Variants in ZNF777 observed in about 807,000 individuals in gnomAD.
ZNF777 encodes the protein zinc finger protein 777.
In ZNF777, 7 loss-of-function variants were observed where a neutral mutation model predicts 72.1. That is an observed-to-expected ratio of 0.10 (90% CI 0.06 to 0.18). The LOEUF (loss-of-function observed/expected upper bound fraction) is 0.18. ZNF777 is among the 10% of genes least tolerant of loss of function. The pLI is 1.00. For missense variants in ZNF777, 828 were observed against 1,128.6 expected (o/e 0.73, Z 3.82); for synonymous variants, 545 against 483.5 (o/e 1.13, Z -1.67).
chr7:149,455,860 A>C lies in ZNF777; in HGVS notation c.163T>G (p.Ser55Ala). The C allele has an allele frequency of 6.2e-7, 1 of 1,613,186 alleles. No individual in the cohort carries two copies. Among genetic ancestry groups the C allele is most frequent in the South Asian group, 1.1e-5 (1 of 91,054 alleles). The change falls in exon 2 of 6, where the codon TCC (serine) becomes GCC (alanine). Residue 55 changes from serine (S) to alanine (A), a missense_variant. Physicochemically the swap from Ser to Ala is moderately conservative, Grantham distance 99. This residue lies in a region of ZNF777 where 222 missense variants were observed against 211.2 expected (regional missense o/e 1.05). Coordinates refer to ENST00000247930, the MANE Select transcript of ZNF777 (RefSeq NM_015694.3). This position sits in a 1 kb window ranked among gnomAD's most constrained non-coding sequence, Gnocchi z 4.2. ...SLSPTIPRQG[S>A]LPQTSSAPKQ... ...GGAGCACTGGAAGTTTGGGGCAGGG[A>C]GCCTTGACGGGGAATGGTGGGAGAC...
chr7:149,433,376 C>A (rs1475702977), intron 5 of ZNF777, among the ~76,000 whole-genome samples: 1 of 152,198 alleles, frequency 6.6e-6, no homozygotes, highest in Admixed American at 6.5e-5. Flanking sequence ...GCGATACACA[C>A]CCCTTTTTCC....
At position 149,431,582 on chromosome 7, in the gene ZNF777, C is replaced by A. The variant is rs1272925319; in HGVS notation, c.*194G>T. The A allele has an allele frequency of 1.7e-6, 1 of 584,574 alleles. No individual in the cohort carries two copies. Among genetic ancestry groups the A allele is most frequent in the Non-Finnish European group, 2.8e-6 (1 of 355,454 alleles). The allele number at this position is 584,574 out of a possible 1,614,324, so 36.2% of individuals were successfully genotyped here. On this transcript the variant is annotated 3_prime_UTR_variant, in exon 6 of 6. Transcript: ENST00000247930. ...TCCGCGCCCTCCCCCCTGGGGCCCC[C>A]GGGGAAACGCGGCAGCAAGGGACCT...
At chr7:149,453,121 T>C (rs1799755268) in intron 3 of ZNF777, among the ~76,000 whole-genome samples, 1 of 152,192 alleles carries the variant, frequency 6.6e-6, no homozygotes, top group African/African-American at 2.4e-5. Context: ...GCATGTATCA[T>C]GCTTATATCT....
chr7:149,437,124 T>G (rs1180344462), intron 4 of ZNF777, among the ~76,000 whole-genome samples: 1 of 152,190 alleles, frequency 6.6e-6, no homozygotes, highest in East Asian at 1.9e-4. Flanking sequence ...TCTTATTTTT[T>G]CAATAGAGAA....
At chr7:149,444,283 G>A (rs1490091583) in intron 4 of ZNF777, among the ~76,000 whole-genome samples, 2 of 152,126 alleles carry the variant, frequency 1.3e-5, no homozygotes, top group South Asian at 2.1e-4. Context: ...CCCAGCTTAC[G>A]ACTAATTATC....
At chr7:149,438,930 G>A (rs1325440193) in intron 4 of ZNF777, among the ~76,000 whole-genome samples, 1 of 152,114 alleles carries the variant, frequency 6.6e-6, no homozygotes, top group Non-Finnish European at 1.5e-5. Context: ...AGCCTTAAAT[G>A]AAGACCTTTG....
At chr7:149,440,670 T>C (rs1799497819) in intron 4 of ZNF777, among the ~76,000 whole-genome samples, 1 of 98,054 alleles carries the variant, frequency 1.0e-5, no homozygotes, top group South Asian at 3.5e-4. Context: ...CTGTTGTTTT[T>C]TTGTTTTTTT....
chr7:149,448,681 A>G (rs775901621), intron 4 of ZNF777, among the ~76,000 whole-genome samples: 7 of 150,312 alleles, frequency 4.7e-5, no homozygotes, highest in African/African-American at 7.4e-5. Flanking sequence ...GAAATGATGA[A>G]CCCTCTGAGT....
At chr7:149,453,577 A>G (rs1332044457) in intron 3 of ZNF777, among the ~76,000 whole-genome samples, 3 of 152,204 alleles carry the variant, frequency 2.0e-5, no homozygotes, top group Non-Finnish European at 4.4e-5. Flanking sequence ...CCATGAAATA[A>G]GCATTTAACC....
intron 4 of ZNF777, among the ~76,000 whole-genome samples, chr7:149,450,641 G>A (rs769102389): frequency 4.6e-5 from 7 of 152,202 alleles, no homozygotes; most frequent in Non-Finnish European, 1.0e-4. Context: ...CTGACCACCT[G>A]CAGGACTCAG....
rs202019259 is a variant in ZNF777 at position 149,448,313 on chromosome 7, T to TA, written c.1087+2685dup. On this transcript the variant is annotated intron_variant, in intron 4 of 5. Coordinates refer to ENST00000247930, the MANE Select transcript of ZNF777 (RefSeq NM_015694.3). ...AAACGTCATCTCTACTAAAGAAAAG[T>TA]AAAAAAATTAGCTGGGCGTGGTGGC... Among the ~76,000 whole-genome samples the TA allele has an allele frequency of 7.7e-3, 1,152 of 150,384 alleles. 11 individuals carry two copies. The highest frequency in any genetic ancestry group is 0.026 in the African/African-American group (1,080 of 40,810).
In ZNF777 at chr7:149,432,445, G is replaced by A; in HGVS notation, c.1827C>T (p.Pro609=). ...RGGCVSPERG[P]TFNPKHALKP... is the part of the protein sequence containing the mutation. ...TGAGCGCGTGCTTGGGGTTGAACGTGGGCCCGCGTTCGGGTGAGACGCAGC... is the reference window on the plus strand; with the variant it reads ...TGAGCGCGTGCTTGGGGTTGAACGTAGGCCCGCGTTCGGGTGAGACGCAGC... Residue 609 remains proline, a synonymous_variant, in exon 6 of 6, where the codon CCC becomes CCT. Transcript: ENST00000247930. The A allele has an allele frequency of 6.2e-7, 1 of 1,613,498 alleles. No individual in the cohort carries two copies. Among genetic ancestry groups the A allele is most frequent in the South Asian group, 1.1e-5 (1 of 91,070 alleles).
At chr7:149,444,100 G>A (rs984735531) in intron 4 of ZNF777, among the ~76,000 whole-genome samples, 1 of 152,052 alleles carries the variant, frequency 6.6e-6, no homozygotes, top group Non-Finnish European at 1.5e-5. Flanking sequence ...CATCTCCTCC[G>A]AACTGATCCT....
intron 3 of ZNF777, among the ~76,000 whole-genome samples, chr7:149,451,443 C>T (rs937178369): frequency 1.3e-5 from 2 of 152,188 alleles, no homozygotes; most frequent in Non-Finnish European, 2.9e-5. Flanking sequence ...GTAATCCCAG[C>T]ACATTGGGAG....
At chr7:149,448,487 ATATATATAT>A (rs1799645232) in intron 4 of ZNF777, among the ~76,000 whole-genome samples, 1 of 12,234 alleles carries the variant, frequency 8.2e-5, no homozygotes, top group African/African-American at 1.6e-4. Context: ...AAACAAAACT[ATATATATAT>A]ATATATATAT....
intron 1 of ZNF777, among the ~76,000 whole-genome samples, chr7:149,456,724 T>C (rs1373798914): frequency 6.6e-6 from 1 of 152,220 alleles, no homozygotes. Context: ...AGTGAGGACA[T>C]GACATTATCT....
Position 149,454,224 on chromosome 7 carries a change from A to G in ZNF777, c.860T>C (p.Phe287Ser). The G allele has an allele frequency of 6.2e-7, 1 of 1,614,100 alleles. No individual in the cohort carries two copies. The highest frequency in any genetic ancestry group is 8.5e-7 in the Non-Finnish European group (1 of 1,180,008). ...NGEVPKVPVT[F>S]DDVAVHFSEQ... ...CGAGAAGTGCACAGCAACATCATCA[A>G]ATGTGACAGGGACCTGAAACCACAC... is the stretch of plus-strand genomic sequence containing the variant. Residue 287 changes from phenylalanine to serine, a missense_variant, in exon 3 of 6, where the codon TTT becomes TCT. This residue lies in a region of ZNF777 where 76 missense variants were observed against 157.3 expected (regional missense o/e 0.48). Transcript: ENST00000247930.
At chr7:149,450,476 C>T (rs1490348916) in intron 4 of ZNF777, among the ~76,000 whole-genome samples, 1 of 152,212 alleles carries the variant, frequency 6.6e-6, no homozygotes, top group South Asian at 2.1e-4. Context: ...TACTCAGATA[C>T]AGTCAGCCTC....
intron 4 of ZNF777, among the ~76,000 whole-genome samples, chr7:149,445,956 A>T (rs1430271480): frequency 6.6e-6 from 1 of 152,086 alleles, no homozygotes; most frequent in East Asian, 1.9e-4. Context: ...GGGGGTGCAA[A>T]TTGGGTTTCT....
Sources: gnomAD v4.1 joint callset for allele counts (sites outside exome capture counted in the v4.1 genomes callset) on GRCh38, gnomAD v4.1.1 for gene constraint, gnomAD v4.1.1 regional missense constraint, Gnocchi (gnomAD v3.1) non-coding constraint, MANE v1.5 for transcripts, NCBI Gene and HGNC (gene_info 2026-07-23, HGNC 2026-07-21) for gene names.